The following SSPN variants were observed in gnomAD, a reference collection of about 807,000 sequenced individuals.
The protein encoded by SSPN is K-ras oncogene-associated protein.
Under a neutral mutation model 19.1 loss-of-function variants are expected in SSPN, and 15 were observed. The ratio of observed to expected loss-of-function variants is 0.78; its 90% confidence interval spans 0.52 to 1.21. The LOEUF (loss-of-function observed/expected upper bound fraction) is 1.21, where lower values mean the gene tolerates loss of function less well. Among genes scored for constraint, SSPN ranks in the 50% most tolerant of loss-of-function variants. The pLI is 0.00. For missense variants in SSPN, 291 were observed against 314.0 expected (o/e 0.93, Z 0.55); for synonymous variants, 147 against 140.3 (o/e 1.05, Z -0.34).
intron 1 of SSPN, among the ~76,000 whole-genome samples, chr12:26,145,010 C>T (rs190062340): frequency 6.6e-5 from 10 of 152,262 alleles, no homozygotes; most frequent in Admixed American, 1.3e-4. Flanking sequence ...TGTTATATTA[C>T]GACTTCACCC....
chr12:26,213,963 A>G (rs1381164276), intron 1 of SSPN, among the ~76,000 whole-genome samples: 3 of 152,120 alleles, frequency 2.0e-5, no homozygotes, highest in Non-Finnish European at 4.4e-5. Flanking sequence ...GGCACATGGT[A>G]GTTACACAAG....
intron 1 of SSPN, chr12:26,122,338 G>T: frequency 8.5e-7 from 1 of 1,178,206 alleles, no homozygotes; most frequent in East Asian, 3.8e-5. Context: ...GCCGGGGCGG[G>T]GATGCCGGGG....
rs1944823585 is a variant in SSPN, at chr12:26,195,830, C to A, written c.158C>A (p.Pro53Gln). ...CGGACCTGCTGCGGCTGCCGGTTCC[C>A]GCTGCTGCTCGCCCTGCTGCAGCTG... ...EPRTCCGCRFPLLLALLQLAL... is the reference protein window; with the variant it reads ...EPRTCCGCRFQLLLALLQLAL... The change falls in exon 1 of 3, where the codon CCG becomes CAG. Residue 53 changes from proline to glutamine, a missense_variant. Physicochemically the swap from Pro to Gln is moderately conservative, Grantham distance 76. Coordinates refer to ENST00000242729, the MANE Select transcript of SSPN (RefSeq NM_005086.5). 1.3e-6 allele frequency: 2 copies of A among 1,538,644 alleles called. No homozygotes were observed. Among genetic ancestry groups the A allele is most frequent in the East Asian group, 2.5e-5 (1 of 39,250 alleles).
At chr12:26,185,254 C>A (rs557151585) in intron 1 of SSPN, among the ~76,000 whole-genome samples, 7 of 152,294 alleles carry the variant, frequency 4.6e-5, no homozygotes, top group African/African-American at 1.7e-4. Context: ...TGCCAAGCAA[C>A]CTGGTAGGCA....
chr12:26,137,865 C>T (rs1432617062), intron 1 of SSPN, among the ~76,000 whole-genome samples: 1 of 151,112 alleles, frequency 6.6e-6, no homozygotes, highest in East Asian at 1.9e-4. Context: ...CGGGTTTCAC[C>T]CTGTTGGCCA....
At chr12:26,188,901 T>C (rs1944770543) in intron 1 of SSPN, among the ~76,000 whole-genome samples, 1 of 152,154 alleles carries the variant, frequency 6.6e-6, no homozygotes, top group Non-Finnish European at 1.5e-5. Flanking sequence ...TGATTGCCTA[T>C]AAGTGCAATG....
chr12:26,163,528 C>T (rs1429151073), intron 1 of SSPN, among the ~76,000 whole-genome samples: 1 of 152,140 alleles, frequency 6.6e-6, no homozygotes, highest in Non-Finnish European at 1.5e-5. Context: ...CTTCTGAGGG[C>T]CTTCTTGCTG....
At chr12:26,158,670 C>T (rs540011609) in intron 1 of SSPN, among the ~76,000 whole-genome samples, 1 of 152,384 alleles carries the variant, frequency 6.6e-6, no homozygotes, top group South Asian at 2.1e-4. Context: ...AGGGTTGCTG[C>T]ACACACACAG....
chr12:26,216,077 T>A (rs1383581743), intron 1 of SSPN, among the ~76,000 whole-genome samples: 2 of 152,226 alleles, frequency 1.3e-5, no homozygotes, highest in Non-Finnish European at 2.9e-5. Flanking sequence ...CTTAACACTC[T>A]GTAAATATTC....
chr12:26,180,022 G>T (rs865936746), intron 1 of SSPN: 1 of 145,734 alleles, frequency 6.9e-6, no homozygotes, highest in Middle Eastern at 3.6e-3. Flanking sequence ...GCTTGAGGAT[G>T]TGCTCTGTGT....
rs1362880398 is a variant in SSPN at position 26,123,039 on chromosome 12, C to T, written c.-31+887C>T. On this transcript the variant is annotated intron_variant, in intron 1 of 2. Coordinates refer to the SSPN transcript ENST00000538142. The stretch of plus-strand genomic sequence containing the variant: ...GTGCAAGTGGTTGATCAGCTGGACA[C>T]ACCGCGGCTCCCTGGGTGTCCAGCT... The T allele has an allele frequency of 4.4e-6, 7 of 1,576,766 alleles. No individual in the cohort carries two copies. In the South Asian group the frequency reaches 7.0e-5, roughly 16 times the overall value.
intron 1 of SSPN, among the ~76,000 whole-genome samples, chr12:26,139,088 G>C (rs1376790502): frequency 1.3e-5 from 2 of 151,986 alleles, no homozygotes; most frequent in African/African-American, 4.8e-5. Context: ...GTGTGTGTAT[G>C]GTTTATTATA....
At chr12:26,148,077 T>C (rs1173015816) in intron 1 of SSPN, among the ~76,000 whole-genome samples, 7 of 152,244 alleles carry the variant, frequency 4.6e-5, no homozygotes, top group Non-Finnish European at 1.0e-4. Context: ...TTCTGTTTTA[T>C]AAATTTCTGT....
chr12:26,134,341 C>A (rs1944413525), intron 1 of SSPN, among the ~76,000 whole-genome samples: 2 of 152,222 alleles, frequency 1.3e-5, no homozygotes, highest in African/African-American at 2.4e-5. Flanking sequence ...CTCCAAGAAG[C>A]CTTCTCTGAG....
chr12:26,214,268 G>C (rs1237533746), intron 1 of SSPN, among the ~76,000 whole-genome samples: 2 of 152,078 alleles, frequency 1.3e-5, no homozygotes, highest in African/African-American at 4.8e-5. Context: ...CACTGCCTTA[G>C]GATTGGTGCT....
rs1565696690 is a variant in SSPN, at chr12:26,231,127, TAAAC to T, written c.*59_*62del. 4 of 1,492,588 alleles carry T rather than the reference TAAAC, an allele frequency of 2.7e-6. No individual in the cohort carries two copies. The highest frequency in any genetic ancestry group is 2.3e-5 in the East Asian group (1 of 43,148). The allele number at this position is 1,492,588 out of a possible 1,614,324, so 92.5% of individuals were successfully genotyped here. A position where few individuals can be genotyped will look rare whatever the true frequency, so the allele number is the denominator to read the frequency against. On this transcript the variant is annotated 3_prime_UTR_variant, in exon 3 of 3. Transcript: ENST00000242729. ...AAGTAGCACATGGAGTAGCTGAGGT[TAAAC>T]AAACAAAAAAAAATTTTAAACAAAG... is the stretch of plus-strand genomic sequence containing the variant.
intron 1 of SSPN, among the ~76,000 whole-genome samples, chr12:26,153,014 A>G (rs1944534799): frequency 6.6e-6 from 1 of 152,200 alleles, no homozygotes; most frequent in Non-Finnish European, 1.5e-5. Flanking sequence ...CCCCCACAGC[A>G]TTCCAAGGCT....
chr12:26,140,047 T>C (rs925610911), intron 1 of SSPN, among the ~76,000 whole-genome samples: 1 of 152,226 alleles, frequency 6.6e-6, no homozygotes, highest in Non-Finnish European at 1.5e-5. Context: ...ATGCTGATAA[T>C]CCCAAATTTA....
intron 1 of SSPN, among the ~76,000 whole-genome samples, chr12:26,132,708 G>C (rs761398544): frequency 6.6e-6 from 1 of 152,172 alleles, no homozygotes; most frequent in Non-Finnish European, 1.5e-5. Context: ...CAATTTCACT[G>C]TATGGCTCCT....
Sources: gnomAD v4.1 joint callset for allele counts (sites outside exome capture counted in the v4.1 genomes callset) on GRCh38, gnomAD v4.1.1 for gene constraint, MANE v1.5 for transcripts, NCBI Gene and HGNC (gene_info 2026-07-23, HGNC 2026-07-21) for gene names.